The following AIMP1 variants were observed in gnomAD, a reference collection of about 807,000 sequenced individuals.
AIMP1 encodes the protein aminoacyl tRNA synthase complex-interacting multifunctional protein 1.
AIMP1 carries 24 observed loss-of-function variants against 33.1 expected under a neutral mutation model. That is an observed-to-expected ratio of 0.73 (90% confidence interval 0.53 to 1.02). The LOEUF is 1.02. Ranked by LOEUF, AIMP1 falls within the 50% of genes least tolerant of loss-of-function variation. The pLI is 0.00. For synonymous variants in AIMP1, 120 were observed against 121.5 expected, an observed-to-expected ratio of 0.99 and a Z score of 0.08; for missense variants, 367 against 364.8, an observed-to-expected ratio of 1.01 and a Z score of -0.05.
At chr4:106,329,775 T>C in intron 4 of AIMP1, among the ~76,000 whole-genome samples, 1 of 101,108 alleles carries the variant, frequency 9.9e-6, no homozygotes, top group Non-Finnish European at 2.0e-5. Context: ...TACATATCTT[T>C]TTTTTTTTTT....
chr4:106,334,276 CTT>C (rs34085907), intron 5 of AIMP1, among the ~76,000 whole-genome samples: 10,083 of 139,188 alleles, frequency 0.072, 352 homozygotes, highest in Middle Eastern at 0.18. Context: ...TTTCTTTTTT[CTT>C]TTTTTTTTTT....
chr4:106,318,967 A>T (rs181565385), intron 1 of AIMP1, among the ~76,000 whole-genome samples: 23 of 152,260 alleles, frequency 1.5e-4, no homozygotes, highest in Non-Finnish European at 3.1e-4. Context: ...ATGTACATAA[A>T]ATAATAGAGC....
intron 1 of AIMP1, among the ~76,000 whole-genome samples, chr4:106,323,290 TTA>T (rs2125920091): frequency 6.6e-6 from 1 of 152,318 alleles, no homozygotes; most frequent in Admixed American, 6.5e-5. Flanking sequence ...AGAAGATTTT[TTA>T]TATGTTTCTG....
At chr4:106,320,214 A>G (rs1177192103) in intron 1 of AIMP1, among the ~76,000 whole-genome samples, 1 of 152,240 alleles carries the variant, frequency 6.6e-6, no homozygotes, top group Non-Finnish European at 1.5e-5. Context: ...GATTAATGAA[A>G]TGAGCACTGG....
Position 106,339,667 on chromosome 4 carries a change from T to A in AIMP1, c.772+2630T>A, listed in dbSNP as rs143050932. ...AGAGATTTTGTCCTAACTAAAGCAA[T>A]AATATTAATACCAGCGTAGCAGAAA... On this transcript the variant is annotated intron_variant, in intron 6 of 6. Coordinates refer to ENST00000672341, the MANE Select transcript of AIMP1 (RefSeq NM_001142416.2). 5.2e-4 allele frequency among the ~76,000 whole-genome samples: 79 copies of A among 152,290 alleles called. 2 individuals carry two copies. The East Asian group carries it at 0.013, about 25-fold the overall frequency.
At chr4:106,336,186 C>A (rs763847480) in intron 5 of AIMP1, among the ~76,000 whole-genome samples, 1 of 150,862 alleles carries the variant, frequency 6.6e-6, no homozygotes, top group Non-Finnish European at 1.5e-5. Flanking sequence ...CCACATGCCA[C>A]CATGCCCAGC....
At chr4:106,338,934 G>A (rs1009512191) in intron 6 of AIMP1, among the ~76,000 whole-genome samples, 3 of 152,192 alleles carry the variant, frequency 2.0e-5, no homozygotes, top group Non-Finnish European at 4.4e-5. Flanking sequence ...TGTGAGACAT[G>A]GCGTCAAAGG....
intron 2 of AIMP1, 72 bp from the exon 3 acceptor site, chr4:106,327,379 T>G (rs1579632707): frequency 1.8e-5 from 20 of 1,127,726 alleles, no homozygotes; most frequent in Non-Finnish European, 1.3e-6. Context: ...ATACTGGCTG[T>G]CTTCTTTTCA....
chr4:106,317,195 A>G (rs1768973349), intron 1 of AIMP1, among the ~76,000 whole-genome samples: 1 of 152,190 alleles, frequency 6.6e-6, no homozygotes, highest in Non-Finnish European at 1.5e-5. Context: ...GGCTGACAGA[A>G]GTGGGAGATT....
intron 6 of AIMP1, among the ~76,000 whole-genome samples, chr4:106,343,077 A>G (rs1400866809): frequency 6.6e-6 from 1 of 151,592 alleles, no homozygotes; most frequent in Middle Eastern, 3.2e-3. Flanking sequence ...GACTTTTTTT[A>G]ATTGGTAGGT....
intron 5 of AIMP1, among the ~76,000 whole-genome samples, chr4:106,334,081 G>A (rs1417570117): frequency 6.6e-6 from 1 of 152,078 alleles, no homozygotes; most frequent in Non-Finnish European, 1.5e-5. Flanking sequence ...ATATTGCAAA[G>A]AATATGGACT....
intron 6 of AIMP1, among the ~76,000 whole-genome samples, chr4:106,341,249 A>C (rs951594430): frequency 7.2e-5 from 11 of 152,172 alleles, no homozygotes; most frequent in African/African-American, 2.4e-4. Context: ...GAAGCTCTTC[A>C]GTTTAATCAG....
chr4:106,336,918 T>C lies in AIMP1; in HGVS notation c.653T>C (p.Met218Thr). The C allele has an allele frequency of 6.2e-7, 1 of 1,614,068 alleles. No homozygotes were observed. Among genetic ancestry groups the C allele is most frequent in the Non-Finnish European group, 8.5e-7 (1 of 1,179,966 alleles). ...CTTTGTAACCTGAAACCTGCAAAGA[T>C]GAGGGGAGTATTATCTCAAGCAATG... ...ILLCNLKPAK[M>T]RGVLSQAMVM... Residue 218 changes from methionine to threonine, a missense_variant, in exon 6 of 7, where the codon ATG (methionine) becomes ACG (threonine). Physicochemically the swap from Met to Thr is moderately conservative, Grantham distance 81. Transcript: ENST00000672341.
At chr4:106,345,849 A>T (rs1770277281) in intron 6 of AIMP1, among the ~76,000 whole-genome samples, 1 of 148,452 alleles carries the variant, frequency 6.7e-6, no homozygotes, top group African/African-American at 2.4e-5. Flanking sequence ...AATATAAAAT[A>T]TAAATATAAA....
At chr4:106,323,341 G>A (rs1769337510) in intron 1 of AIMP1, among the ~76,000 whole-genome samples, 1 of 151,684 alleles carries the variant, frequency 6.6e-6, no homozygotes, top group Non-Finnish European at 1.5e-5. Flanking sequence ...TGATTTTTCA[G>A]CAACTTGGTG....
At chr4:106,326,667 T>C (rs1769462787) in intron 2 of AIMP1, among the ~76,000 whole-genome samples, 1 of 152,196 alleles carries the variant, frequency 6.6e-6, no homozygotes, top group Admixed American at 6.5e-5. Flanking sequence ...GACATGAGAA[T>C]AGTTTTTGCT....
At chr4:106,323,979 C>G (rs1366171757) in intron 1 of AIMP1, among the ~76,000 whole-genome samples, 1 of 152,008 alleles carries the variant, frequency 6.6e-6, no homozygotes, top group Non-Finnish European at 1.5e-5. Flanking sequence ...CAAAAATGAG[C>G]CAACAGATCT....
intron 6 of AIMP1, among the ~76,000 whole-genome samples, chr4:106,341,206 G>C (rs949025030): frequency 1.3e-5 from 2 of 152,142 alleles, no homozygotes. Flanking sequence ...TAGGCTGTCT[G>C]TTTACTCTGC....
intron 1 of AIMP1, among the ~76,000 whole-genome samples, chr4:106,323,457 A>G (rs921988516): frequency 6.6e-6 from 1 of 152,118 alleles, no homozygotes; most frequent in African/African-American, 2.4e-5. Context: ...CCAAAAGAGC[A>G]CAAAAATTCA....
Sources: allele counts gnomAD v4.1 joint callset (sites outside exome capture counted in the v4.1 genomes callset), GRCh38; gene constraint gnomAD v4.1.1; transcripts MANE v1.5; gene names NCBI Gene and HGNC (gene_info 2026-07-23, HGNC 2026-07-21).